The following GPC6 variants were observed in gnomAD, a reference collection of about 807,000 sequenced individuals.
GPC6 encodes the protein glypican-6.
In GPC6, 14 loss-of-function variants were observed where a neutral mutation model predicts 55.2. The ratio of observed to expected loss-of-function variants is 0.25; its 90% CI spans 0.17 to 0.40. GPC6 has a LOEUF of 0.40. Among genes scored for constraint, GPC6 ranks in the 10% least tolerant of loss-of-function variants. The pLI, the probability that GPC6 is intolerant of heterozygous loss-of-function variation, is 1.00. For missense variants in GPC6, 641 were observed against 708.5 expected (o/e 0.90, Z 1.08); for synonymous variants, 278 against 259.6 (o/e 1.07, Z -0.68).
At chr13:93,482,013 T>A (rs1879540038) in intron 1 of GPC6, among the ~76,000 whole-genome samples, 1 of 152,208 alleles carries the variant, frequency 6.6e-6, no homozygotes, top group African/African-American at 2.4e-5. Flanking sequence ...TGTTGCCACC[T>A]TAACACTATT....
intron 4 of GPC6, among the ~76,000 whole-genome samples, chr13:94,285,969 C>T (rs776181962): frequency 4.6e-5 from 7 of 152,178 alleles, no homozygotes; most frequent in Non-Finnish European, 8.8e-5. Context: ...CAAATCAGCA[C>T]TTCTTCCCTC....
At chr13:94,118,934 C>G (rs756633635) in intron 4 of GPC6, among the ~76,000 whole-genome samples, 3 of 151,970 alleles carry the variant, frequency 2.0e-5, no homozygotes, top group Non-Finnish European at 4.4e-5. Flanking sequence ...AAGTGTCCAT[C>G]AGCATCACAG....
chr13:94,133,678 A>G (rs958173500), intron 4 of GPC6, among the ~76,000 whole-genome samples: 1 of 152,066 alleles, frequency 6.6e-6, no homozygotes, highest in African/African-American at 2.4e-5. Flanking sequence ...GAGGATGAGA[A>G]AGTGAATTTA....
chr13:94,355,684 T>C (rs906685866), intron 6 of GPC6, among the ~76,000 whole-genome samples: 2 of 152,220 alleles, frequency 1.3e-5, no homozygotes, highest in African/African-American at 4.8e-5. Context: ...AGGCCTTCCA[T>C]GAGCATCCAC....
chr13:94,295,306 T>G (rs1875266559), intron 5 of GPC6, among the ~76,000 whole-genome samples: 1 of 152,178 alleles, frequency 6.6e-6, no homozygotes, highest in Admixed American at 6.5e-5. Flanking sequence ...GTAAGTCAAA[T>G]CAAAACCACT....
chr13:93,347,033 A>G (rs1445072087), intron 1 of GPC6, among the ~76,000 whole-genome samples: 6 of 152,320 alleles, frequency 3.9e-5, no homozygotes, highest in South Asian at 4.1e-4. Flanking sequence ...TAAGAACTGT[A>G]GCTAAGAAGT....
intron 4 of GPC6, among the ~76,000 whole-genome samples, chr13:94,082,911 GT>G (rs576674897): frequency 5.8e-4 from 89 of 152,252 alleles, no homozygotes; most frequent in African/African-American, 2.0e-3. Context: ...CACCCAGAAT[GT>G]AGTATTCTAA....
intron 1 of GPC6, among the ~76,000 whole-genome samples, chr13:93,247,768 C>T (rs1009547273): frequency 2.0e-5 from 3 of 152,150 alleles, no homozygotes; most frequent in African/African-American, 4.8e-5. Context: ...CAATTACCAC[C>T]TTCCCCTCTT....
intron 2 of GPC6, among the ~76,000 whole-genome samples, chr13:93,553,990 A>AT: frequency 7.3e-6 from 1 of 136,162 alleles, no homozygotes; most frequent in East Asian, 2.3e-4. Flanking sequence ...AAAAAAAAAA[A>AT]TACAAAAATT....
chr13:94,009,402 C>T (rs1882152299), intron 3 of GPC6, among the ~76,000 whole-genome samples: 1 of 152,144 alleles, frequency 6.6e-6, no homozygotes, highest in Admixed American at 6.6e-5. Context: ...TCTCTACATG[C>T]ATAATCATGT....
intron 3 of GPC6, among the ~76,000 whole-genome samples, chr13:93,971,234 ATCT>A (rs1180921756): frequency 7.9e-5 from 12 of 152,210 alleles, no homozygotes; most frequent in Non-Finnish European, 1.8e-4. Context: ...CATTACAGAA[ATCT>A]TCTAAAATAA....
At chr13:94,107,759 C>T (rs1315549844) in intron 4 of GPC6, among the ~76,000 whole-genome samples, 1 of 151,874 alleles carries the variant, frequency 6.6e-6, no homozygotes, top group Admixed American at 6.6e-5. Flanking sequence ...AAAGAAGATA[C>T]ACAAATGACC....
At chr13:94,153,335 A>G (rs1390233869) in intron 4 of GPC6, among the ~76,000 whole-genome samples, 1 of 152,202 alleles carries the variant, frequency 6.6e-6, no homozygotes, top group African/African-American at 2.4e-5. Context: ...ATTAGATCAA[A>G]TACTTAAAAG....
intron 4 of GPC6, among the ~76,000 whole-genome samples, chr13:94,175,417 A>G (rs537917019): frequency 6.6e-6 from 1 of 152,232 alleles, no homozygotes; most frequent in Admixed American, 6.5e-5. Flanking sequence ...TTCCTACTCT[A>G]TGGTGTTCGT....
intron 2 of GPC6, among the ~76,000 whole-genome samples, chr13:93,819,476 G>A (rs1332540453): frequency 1.3e-5 from 2 of 152,178 alleles, no homozygotes; most frequent in Non-Finnish European, 2.9e-5. Flanking sequence ...TGTTAATACA[G>A]TTATATACTT....
chr13:93,886,917 T>C (rs1459074328), intron 3 of GPC6, among the ~76,000 whole-genome samples: 1 of 152,080 alleles, frequency 6.6e-6, no homozygotes, highest in Non-Finnish European at 1.5e-5. Flanking sequence ...TGTTTTGTTT[T>C]ATGTGGAATA....
chr13:93,974,702 G>A (rs1443892371), intron 3 of GPC6, among the ~76,000 whole-genome samples: 1 of 151,904 alleles, frequency 6.6e-6, no homozygotes. Context: ...CTTTCTTAAA[G>A]GAAAACTATG....
At chr13:93,851,012 T>A (rs1888373365) in intron 3 of GPC6, among the ~76,000 whole-genome samples, 1 of 152,016 alleles carries the variant, frequency 6.6e-6, no homozygotes, top group Non-Finnish European at 1.5e-5. Flanking sequence ...TCATTGTATG[T>A]GTCTTTGAAT....
chr13:94,255,926 G>A (rs1457856612), intron 4 of GPC6, among the ~76,000 whole-genome samples: 2 of 152,160 alleles, frequency 1.3e-5, no homozygotes, highest in South Asian at 2.1e-4. Flanking sequence ...CCCTGGACTG[G>A]CAGCACCCAC....
Sources: allele counts gnomAD v4.1 joint callset (sites outside exome capture counted in the v4.1 genomes callset), GRCh38; gene constraint gnomAD v4.1.1; transcripts MANE v1.5; gene names NCBI Gene and HGNC (gene_info 2026-07-23, HGNC 2026-07-21).